Variants in OR10J1 observed in about 807,000 individuals in gnomAD.
The protein encoded by OR10J1 is olfactory receptor family 10 subfamily J member 1, also known as olfactory receptor 10J1.
For synonymous variants in OR10J1, 202 were observed against 143.8 expected, an observed-to-expected ratio of 1.40 and a Z score of -2.89; for missense variants, 474 against 376.6, an observed-to-expected ratio of 1.26 and a Z score of -2.14.
the OR10J1 span, among the ~76,000 whole-genome samples, chr1:159,403,187 G>A: frequency 6.6e-6 from 1 of 151,980 alleles, no homozygotes; most frequent in Admixed American, 6.6e-5. Flanking sequence ...AAATCTCTAG[G>A]ACATTATTAA....
At chr1:159,412,669 C>T in the OR10J1 span, among the ~76,000 whole-genome samples, 223 of 151,914 alleles carry the variant, frequency 1.5e-3, no homozygotes, top group African/African-American at 4.4e-3. Context: ...TTCCTTACAC[C>T]TTACACAAAA....
chr1:159,421,994 G>A, the OR10J1 span, among the ~76,000 whole-genome samples: 1 of 152,154 alleles, frequency 6.6e-6, no homozygotes, highest in Admixed American at 6.5e-5. Context: ...TGGGACCCAA[G>A]CAGTCCACGG....
chr1:159,422,581 T>C, the OR10J1 span, among the ~76,000 whole-genome samples: 1 of 152,064 alleles, frequency 6.6e-6, no homozygotes, highest in South Asian at 2.1e-4. Context: ...GCTTCAGGGA[T>C]GTGGAGATGC....
the OR10J1 span, chr1:159,432,205 T>A: frequency 2.5e-6 from 1 of 400,820 alleles, no homozygotes; most frequent in East Asian, 3.6e-5. Context: ...TTCTCCTCAA[T>A]GCCAAGGCCC....
At position 159,439,801 on chromosome 1, in the gene OR10J1, G is replaced by T. The variant is rs777231309; in HGVS notation, c.10G>T (p.Glu4Ter). ...ATTTGGGAACCAATCCATGAAAAGA[G>T]AGAACTTTACTCTCATCACTGACTT... is the stretch of plus-strand genomic sequence containing the variant. MKR[E>*]NFTLITDFVF... The change falls in exon 1 of 1, where the codon GAG (glutamate) becomes TAG (stop). Residue 4 changes from glutamate (E) to a stop codon, truncating the protein, a stop_gained. Coordinates refer to ENST00000423932, the MANE Select transcript of OR10J1 (RefSeq NM_012351.3). LOFTEE classifies it low-confidence loss of function (END_TRUNC). 3 of 1,613,956 alleles carry T rather than the reference G, an allele frequency of 1.9e-6. No homozygotes were observed. In the African/African-American group the frequency reaches 4.0e-5, roughly 22 times the overall value.
the OR10J1 span, among the ~76,000 whole-genome samples, chr1:159,417,825 T>C: frequency 6.6e-6 from 1 of 152,178 alleles, no homozygotes; most frequent in Non-Finnish European, 1.5e-5. Flanking sequence ...CCTAGAAACA[T>C]ATTGACTGGC....
At chr1:159,405,893 T>C in the OR10J1 span, 2 of 603,926 alleles carry the variant, frequency 3.3e-6, no homozygotes, top group East Asian at 6.6e-5. Context: ...AACATAGATG[T>C]TACTTGGACA....
chr1:159,439,704 T>G, upstream of OR10J1: 12 of 1,537,626 alleles, frequency 7.8e-6, no homozygotes, highest in Non-Finnish European at 1.1e-5. Context: ...ACTATTGAAC[T>G]TCAATCAATT....
the OR10J1 span, among the ~76,000 whole-genome samples, chr1:159,409,961 G>A: frequency 6.6e-6 from 1 of 152,028 alleles, no homozygotes; most frequent in South Asian, 2.1e-4. Flanking sequence ...ATAATCATGT[G>A]GTTTTTGTCT....
At chr1:159,437,564 A>G (rs1655771818), upstream of OR10J1, among the ~76,000 whole-genome samples, 1 of 152,250 alleles carries the variant, frequency 6.6e-6, no homozygotes, top group Admixed American at 6.5e-5. Flanking sequence ...AAAATCAACT[A>G]AATAAACCAG....
the OR10J1 span, among the ~76,000 whole-genome samples, chr1:159,415,328 T>C: frequency 6.6e-6 from 1 of 152,122 alleles, no homozygotes; most frequent in Non-Finnish European, 1.5e-5. Flanking sequence ...GAAGAAGGTA[T>C]CCTTTTCCCA....
the OR10J1 span, among the ~76,000 whole-genome samples, chr1:159,399,587 A>G: frequency 2.0e-5 from 3 of 150,842 alleles, no homozygotes; most frequent in African/African-American, 7.3e-5. Context: ...AAAAAAAAAA[A>G]AAAAAAAGAA....
the OR10J1 span, among the ~76,000 whole-genome samples, chr1:159,419,937 A>G: frequency 1.3e-5 from 2 of 152,288 alleles, no homozygotes; most frequent in Non-Finnish European, 2.9e-5. Flanking sequence ...GAAGTCTCCA[A>G]CTACTATTGT....
the OR10J1 span, chr1:159,406,384 C>A: frequency 2.4e-6 from 1 of 411,058 alleles, no homozygotes; most frequent in South Asian, 2.1e-5. Context: ...ATGTCTAAAT[C>A]TGAAGGAAAT....
the OR10J1 span, among the ~76,000 whole-genome samples, chr1:159,402,493 A>ATTT: frequency 3.3e-5 from 5 of 151,866 alleles, no homozygotes; most frequent in East Asian, 1.9e-4. Flanking sequence ...AAATTTTTTA[A>ATTT]AAAAAATCCC....
the OR10J1 span, among the ~76,000 whole-genome samples, chr1:159,398,083 G>A: frequency 5.9e-5 from 9 of 152,194 alleles, no homozygotes; most frequent in Non-Finnish European, 4.4e-5. Context: ...AGAAAGTAAG[G>A]GAAGAGAATA....
At chr1:159,435,028 AAACT>A (rs1376334850), upstream of OR10J1, among the ~76,000 whole-genome samples, 7 of 152,162 alleles carry the variant, frequency 4.6e-5, no homozygotes, top group Non-Finnish European at 7.3e-5. Flanking sequence ...CAGTAAAAGG[AAACT>A]AACTATTCTC....
chr1:159,411,184 G>A, the OR10J1 span, among the ~76,000 whole-genome samples: 4 of 152,128 alleles, frequency 2.6e-5, no homozygotes, highest in Admixed American at 6.6e-5. Context: ...GTTGATTTGG[G>A]GTGGAGAGTT....
chr1:159,433,360 T>A (rs1655641192), upstream of OR10J1, among the ~76,000 whole-genome samples: 2 of 152,164 alleles, frequency 1.3e-5, no homozygotes, highest in Admixed American at 1.3e-4. Flanking sequence ...CCAAGCTTGA[T>A]GAAAATCAAA....
Sources: allele counts gnomAD v4.1 joint callset (sites outside exome capture counted in the v4.1 genomes callset), GRCh38; gene constraint gnomAD v4.1.1; transcripts MANE v1.5; gene names NCBI Gene and HGNC (gene_info 2026-07-23, HGNC 2026-07-21).